Variants in SAP130 observed in about 807,000 individuals in gnomAD.
SAP130 encodes the protein histone deacetylase complex subunit SAP130.
Under a neutral mutation model 103.2 loss-of-function variants are expected in SAP130, and 16 were observed. The observed-to-expected ratio is 0.16, with a 90% CI of 0.10 to 0.24. SAP130 has a LOEUF of 0.24. SAP130 is among the 10% of genes least tolerant of loss of function. SAP130 has a pLI of 1.00. For missense variants in SAP130, 990 were observed against 1,359.7 expected (o/e 0.73, Z 4.28); for synonymous variants, 477 against 497.0 (o/e 0.96, Z 0.53).
intron 15 of SAP130, among the ~76,000 whole-genome samples, chr2:127,972,019 G>C (rs912185469): frequency 1.3e-5 from 2 of 152,156 alleles, no homozygotes; most frequent in African/African-American, 2.4e-5. Flanking sequence ...GTGGGAGTGT[G>C]GGGGGTTTAT....
chr2:127,998,823 A>G (rs1056761680), intron 10 of SAP130, among the ~76,000 whole-genome samples: 1 of 152,230 alleles, frequency 6.6e-6, no homozygotes, highest in African/African-American at 2.4e-5. Flanking sequence ...ACTTTCGATC[A>G]TAGATACAAA....
At chr2:127,945,660 A>ATT in intron 18 of SAP130, 101 bp from the exon 19 acceptor site, 16 of 661,806 alleles carry the variant, frequency 2.4e-5, no homozygotes, top group Non-Finnish European at 2.8e-5. Context: ...CAAGAATTTT[A>ATT]TTTTTTTTTT....
At chr2:127,988,754 G>A (rs1362165542) in intron 13 of SAP130, among the ~76,000 whole-genome samples, 1 of 152,152 alleles carries the variant, frequency 6.6e-6, no homozygotes, top group Admixed American at 6.5e-5. Context: ...GGCGGCTGAG[G>A]TGGGAGGATC....
intron 1 of SAP130, among the ~76,000 whole-genome samples, chr2:128,026,859 G>C (rs1050714680): frequency 6.6e-6 from 1 of 152,212 alleles, no homozygotes; most frequent in African/African-American, 2.4e-5. Context: ...CCCTCACAGA[G>C]CCAGAGGACC....
In SAP130 at chr2:127,999,545, AG is replaced by A. The variant is rs565524476; in HGVS notation, c.1213+195del. Among the ~76,000 whole-genome samples, 442 of 151,970 alleles carry A rather than the reference AG, an allele frequency of 2.9e-3. 1 individual carries two copies. The highest frequency in any genetic ancestry group is 0.01 in the Middle Eastern group (3 of 294). On this transcript the variant is annotated intron_variant, in intron 10 of 20. Transcript: ENST00000643581. ...CTTGAACCCAGGAGGTGGAGGTTGCAGTGAGTCGAGATCACGTCACTGCACT... is the reference window on the plus strand; with the variant it reads ...CTTGAACCCAGGAGGTGGAGGTTGCATGAGTCGAGATCACGTCACTGCACT...
At chr2:127,956,430 T>C (rs1234200918) in intron 15 of SAP130, among the ~76,000 whole-genome samples, 1 of 152,070 alleles carries the variant, frequency 6.6e-6, no homozygotes, top group Non-Finnish European at 1.5e-5. Context: ...TAAAACCACC[T>C]GGGGCTTGCA....
Position 128,017,807 on chromosome 2 carries a change from G to A in SAP130, c.221C>T (p.Pro74Leu). ...CGACAACATCTGCACCTGTGGATAG[G>A]GCCTTACCACAACAGGCTCTTGCTT... is the stretch of plus-strand genomic sequence containing the variant. ...EEKQEPVVVR[P>L]YPQVQMLSTH... The change falls in exon 3 of 21, where the codon CCC becomes CTC. Residue 74 changes from proline to leucine, a missense_variant. By Grantham distance (98) the Pro-to-Leu change is moderately conservative. This residue lies in a region of SAP130 where 167 missense variants were observed against 187.4 expected (regional missense o/e 0.89). Transcript: ENST00000643581. 6.2e-7 allele frequency: 1 copy of A among 1,614,196 alleles called. No homozygotes were observed.
rs763363474 is a variant in SAP130 at position 127,950,334 on chromosome 2, T to C, written c.2497A>G (p.Ser833Gly). Residue 833 changes from serine (S) to glycine (G), a missense_variant, in exon 17 of 21, where the codon AGT becomes GGT. This residue lies in a region of SAP130 where 349 missense variants were observed against 384.1 expected (regional missense o/e 0.91). Transcript: ENST00000643581. ...GGGGAGGCACCAGGTGGTAGGTCAC[T>C]TGTAGGCATGGACAAGTTGTTTGCC... The part of the protein sequence containing the change: ...LLANNLSMPT[S>G]DLPPGASPRK... 1.2e-6 allele frequency: 2 copies of C among 1,614,208 alleles called. No homozygotes were observed. The highest frequency in any genetic ancestry group is 2.2e-5 in the East Asian group (1 of 44,880).
At chr2:128,002,345 C>T (rs1214194422) in intron 7 of SAP130, among the ~76,000 whole-genome samples, 1 of 152,040 alleles carries the variant, frequency 6.6e-6, no homozygotes, top group Non-Finnish European at 1.5e-5. Context: ...GCCTGGCCAA[C>T]ATGGTAAAAC....
At chr2:128,008,799 C>T (rs1485420351) in intron 7 of SAP130, among the ~76,000 whole-genome samples, 7 of 151,964 alleles carry the variant, frequency 4.6e-5, no homozygotes, top group Non-Finnish European at 7.4e-5. Flanking sequence ...CATCCTCCCA[C>T]CTCAGCTTCC....
intron 15 of SAP130, among the ~76,000 whole-genome samples, chr2:127,967,821 C>T (rs1434735108): frequency 6.6e-6 from 1 of 152,192 alleles, no homozygotes; most frequent in Non-Finnish European, 1.5e-5. Flanking sequence ...GAATACTCCA[C>T]CCAACAACAG....
At chr2:127,945,189 C>G (rs941970843) in intron 19 of SAP130, among the ~76,000 whole-genome samples, 3 of 152,204 alleles carry the variant, frequency 2.0e-5, no homozygotes, top group African/African-American at 7.2e-5. Flanking sequence ...GTCACAATAT[C>G]ACATAACACT....
rs1299832704 is a variant in SAP130, at chr2:128,026,250, C to T, written c.43G>A (p.Gly15Arg). The T allele has an allele frequency of 6.2e-7, 1 of 1,614,074 alleles. No individual in the cohort carries two copies. The highest frequency in any genetic ancestry group is 8.5e-7 in the Non-Finnish European group (1 of 1,179,982). The part of the protein sequence containing the change: ...QFPRLGAPST[G>R]LSQAPSQIAN... ...ATCTGAGAAGGGGCCTGGCTCAGCC[C>T]GGTAGAAGGGGCTCCTAACCGAGGA... Residue 15 changes from glycine (G) to arginine (R), a missense_variant, in exon 2 of 21, where the codon GGG (glycine) becomes AGG (arginine). By Grantham distance (125) the Gly-to-Arg change is moderately radical. Transcript: ENST00000643581.
chr2:128,017,060 G>A (rs1684834565), intron 3 of SAP130, among the ~76,000 whole-genome samples: 1 of 152,240 alleles, frequency 6.6e-6, no homozygotes, highest in African/African-American at 2.4e-5. Flanking sequence ...AGTGGCTCAC[G>A]CCTGTAATCC....
chr2:127,991,345 A>T (rs888279057), intron 12 of SAP130, among the ~76,000 whole-genome samples: 3 of 151,876 alleles, frequency 2.0e-5, no homozygotes, highest in South Asian at 4.2e-4. Flanking sequence ...ATTAATAAAC[A>T]TTTTTTTTGG....
Position 127,989,384 on chromosome 2 carries a change from T to C in SAP130, c.1780+180A>G, listed in dbSNP as rs1278829912. 3.9e-5 allele frequency among the ~76,000 whole-genome samples: 6 copies of C among 152,094 alleles called. No homozygotes were observed. Among genetic ancestry groups the C allele is most frequent in the African/African-American group, 1.4e-4 (6 of 41,422 alleles). On this transcript the variant is annotated intron_variant, in intron 13 of 20. Coordinates refer to ENST00000643581, the MANE Select transcript of SAP130 (RefSeq NM_001330301.2). This position sits in a 1 kb window ranked among gnomAD's most constrained non-coding sequence, Gnocchi z 4.6. ...AGTGCTGGGATTACAGTGAGGTATA[T>C]TATTTCTAACGTTTACAGTGACCCT...
At chr2:127,964,114 G>A (rs1344630851) in intron 15 of SAP130, among the ~76,000 whole-genome samples, 1 of 152,202 alleles carries the variant, frequency 6.6e-6, no homozygotes, top group African/African-American at 2.4e-5. Flanking sequence ...ACGATGACCT[G>A]AGCCGAGGAG....
At chr2:128,015,769 C>A (rs1684726631) in intron 4 of SAP130, among the ~76,000 whole-genome samples, 1 of 151,750 alleles carries the variant, frequency 6.6e-6, no homozygotes, top group African/African-American at 2.4e-5. Flanking sequence ...TGGTGAAACC[C>A]CGTCTCTATT....
Position 128,011,201 on chromosome 2 carries a change from T to C in SAP130, c.745-808A>G, listed in dbSNP as rs892882609. Reference sequence around the variant, plus strand: ...CTCTCAGGCCATCTACGTTAGTGAGTACAAGGGCAACTCAAGGTAACAGTA... The same window carrying C: ...CTCTCAGGCCATCTACGTTAGTGAGCACAAGGGCAACTCAAGGTAACAGTA... On this transcript the variant is annotated intron_variant, in intron 6 of 20. Coordinates refer to ENST00000643581, the MANE Select transcript of SAP130 (RefSeq NM_001330301.2). Among the ~76,000 whole-genome samples, 8 of 152,178 alleles carry C rather than the reference T, an allele frequency of 5.3e-5. No homozygotes were observed. The East Asian group carries it at 1.3e-3, about 26-fold the overall frequency.
Sources: allele counts gnomAD v4.1 joint callset (sites outside exome capture counted in the v4.1 genomes callset), GRCh38; gene constraint gnomAD v4.1.1; regional missense constraint gnomAD v4.1.1; non-coding constraint Gnocchi (gnomAD v3.1); transcripts MANE v1.5; gene names NCBI Gene and HGNC (gene_info 2026-07-23, HGNC 2026-07-21).